The following GALNT13 variants were observed in gnomAD, a reference collection of about 807,000 sequenced individuals.
GALNT13 encodes the protein UDP-GalNAc:polypeptide N-acetylgalactosaminyltransferase 13.
Under a neutral mutation model 64.2 loss-of-function variants are expected in GALNT13, and 28 were observed. The observed-to-expected ratio is 0.44, with a 90% CI of 0.32 to 0.60. GALNT13 has a LOEUF of 0.60. Ranked by LOEUF, GALNT13 falls within the 20% of genes least tolerant of loss-of-function variation. The pLI is 0.05. For synonymous variants in GALNT13, 214 were observed against 224.6 expected, an observed-to-expected ratio of 0.95 and a Z score of 0.42; for missense variants, 577 against 669.8, an observed-to-expected ratio of 0.86 and a Z score of 1.53.
the GALNT13 span, chr2:153,478,598 G>C: frequency 1.3e-6 from 2 of 1,491,984 alleles, no homozygotes; most frequent in Non-Finnish European, 1.8e-6. Context: ...GAGCGGCGCG[G>C]GTCCGAGGGG....
the GALNT13 span, among the ~76,000 whole-genome samples, chr2:153,410,154 C>T: frequency 3.3e-5 from 5 of 152,076 alleles, no homozygotes; most frequent in Admixed American, 3.3e-4. Context: ...GGCAATATCA[C>T]AACTCACTGT....
intron 1 of GALNT13, among the ~76,000 whole-genome samples, chr2:153,873,120 C>T (rs1288257229): frequency 6.6e-6 from 1 of 152,196 alleles, no homozygotes; most frequent in African/African-American, 2.4e-5. Flanking sequence ...GAACACCAGC[C>T]CCGCGATCCC....
chr2:153,101,667 T>G, the GALNT13 span, among the ~76,000 whole-genome samples: 1 of 152,224 alleles, frequency 6.6e-6, no homozygotes, highest in East Asian at 1.9e-4. Flanking sequence ...TCTTCAAAAT[T>G]GACCTACCTG....
At chr2:153,497,240 A>G in the GALNT13 span, among the ~76,000 whole-genome samples, 1 of 152,122 alleles carries the variant, frequency 6.6e-6, no homozygotes, top group South Asian at 2.1e-4. Context: ...TATAGTTGAT[A>G]AATGTTGCTC....
At chr2:153,356,952 C>A in the GALNT13 span, among the ~76,000 whole-genome samples, 4 of 151,866 alleles carry the variant, frequency 2.6e-5, no homozygotes, top group Non-Finnish European at 4.4e-5. Flanking sequence ...CACCTGCCAC[C>A]ACGCCCAGCT....
At chr2:154,156,080 C>T (rs1212124520) in intron 4 of GALNT13, among the ~76,000 whole-genome samples, 1 of 151,172 alleles carries the variant, frequency 6.6e-6, no homozygotes, top group African/African-American at 2.4e-5. Flanking sequence ...GTGAGTTATA[C>T]TGTAGATACA....
At chr2:153,987,491 G>A (rs1422980357) in intron 3 of GALNT13, among the ~76,000 whole-genome samples, 2 of 151,782 alleles carry the variant, frequency 1.3e-5, no homozygotes, top group African/African-American at 2.4e-5. Context: ...ATGATCTCAC[G>A]CTTCAATGGG....
At chr2:153,260,228 A>G in the GALNT13 span, among the ~76,000 whole-genome samples, 1 of 152,188 alleles carries the variant, frequency 6.6e-6, no homozygotes, top group Non-Finnish European at 1.5e-5. Flanking sequence ...TACTTAAGAT[A>G]TGAGTAGTTT....
the GALNT13 span, among the ~76,000 whole-genome samples, chr2:153,455,429 C>T: frequency 1.3e-5 from 2 of 152,300 alleles, no homozygotes; most frequent in East Asian, 1.9e-4. Context: ...AGCACATGAG[C>T]GAATGAGTGC....
At chr2:153,595,810 C>A in the GALNT13 span, among the ~76,000 whole-genome samples, 5 of 152,148 alleles carry the variant, frequency 3.3e-5, no homozygotes, top group Admixed American at 6.6e-5. Context: ...TCATTTAAGT[C>A]AGCCATAAAA....
chr2:154,081,131 CA>C (rs1701251595), intron 3 of GALNT13, among the ~76,000 whole-genome samples: 1 of 151,522 alleles, frequency 6.6e-6, no homozygotes, highest in Admixed American at 6.6e-5. Flanking sequence ...ATTTTAGCAT[CA>C]ACTCCACAGA....
the GALNT13 span, among the ~76,000 whole-genome samples, chr2:153,513,918 C>A: frequency 6.6e-6 from 1 of 152,084 alleles, no homozygotes; most frequent in African/African-American, 2.4e-5. Context: ...TGCTTCCTTT[C>A]TTTACTTTCC....
intron 12 of GALNT13, among the ~76,000 whole-genome samples, chr2:154,439,689 G>T (rs1309580873): frequency 6.6e-6 from 1 of 152,062 alleles, no homozygotes; most frequent in East Asian, 1.9e-4. Context: ...TTTGAATGTC[G>T]TTTTAATATT....
At chr2:153,943,746 C>T (rs936316172) in intron 2 of GALNT13, among the ~76,000 whole-genome samples, 27 of 152,152 alleles carry the variant, frequency 1.8e-4, no homozygotes, top group African/African-American at 5.8e-4. Context: ...CCGCCTGCCT[C>T]GATCTCTCAA....
chr2:153,100,227 TCTAA>T, the GALNT13 span, among the ~76,000 whole-genome samples: 4 of 152,298 alleles, frequency 2.6e-5, no homozygotes, highest in South Asian at 8.3e-4. Context: ...ACTTTCAGAC[TCTAA>T]CTGCCATCTC....
chr2:153,687,985 G>C, the GALNT13 span, among the ~76,000 whole-genome samples: 3 of 151,838 alleles, frequency 2.0e-5, no homozygotes, highest in African/African-American at 7.3e-5. Context: ...GTAAATACTG[G>C]CATTAACCTC....
At chr2:153,215,529 T>C in the GALNT13 span, among the ~76,000 whole-genome samples, 1 of 152,084 alleles carries the variant, frequency 6.6e-6, no homozygotes, top group Non-Finnish European at 1.5e-5. Context: ...CCTTATAAAA[T>C]GTGAACAACT....
chr2:153,336,126 G>T, the GALNT13 span, among the ~76,000 whole-genome samples: 1 of 152,242 alleles, frequency 6.6e-6, no homozygotes, highest in Non-Finnish European at 1.5e-5. Context: ...CCAGGCAAAA[G>T]TTTGCTGCAG....
chr2:153,111,317 G>T, the GALNT13 span, among the ~76,000 whole-genome samples: 1 of 151,554 alleles, frequency 6.6e-6, no homozygotes, highest in Non-Finnish European at 1.5e-5. Context: ...AACTAAACCT[G>T]TTGTTTTCAT....
Sources: gnomAD v4.1 joint callset for allele counts (sites outside exome capture counted in the v4.1 genomes callset) on GRCh38, gnomAD v4.1.1 for gene constraint, MANE v1.5 for transcripts, NCBI Gene and HGNC (gene_info 2026-07-23, HGNC 2026-07-21) for gene names.